Variants in BAALC observed in about 807,000 individuals in gnomAD.
BAALC encodes brain and acute leukemia cytoplasmic protein.
Under a neutral mutation model 15.5 loss-of-function variants are expected in BAALC, and 9 were observed. That is an observed-to-expected ratio of 0.58 (90% CI 0.35 to 1.02). The LOEUF is 1.02. BAALC is among the 50% of genes least tolerant of loss of function. The pLI is 0.02. For synonymous variants in BAALC, 80 were observed against 74.6 expected, an observed-to-expected ratio of 1.07 and a Z score of -0.37; for missense variants, 201 against 192.4, an observed-to-expected ratio of 1.04 and a Z score of -0.27.
intron 1 of BAALC, among the ~76,000 whole-genome samples, chr8:103,163,311 C>T (rs1027600934): frequency 2.0e-5 from 3 of 152,148 alleles, no homozygotes; most frequent in African/African-American, 7.2e-5. Flanking sequence ...TCCCAGAAGA[C>T]TCACCTGCTG....
At chr8:103,146,207 G>C (rs1044266154) in intron 1 of BAALC, among the ~76,000 whole-genome samples, 5 of 152,132 alleles carry the variant, frequency 3.3e-5, no homozygotes, top group African/African-American at 1.2e-4. Flanking sequence ...TGCCTGGGGA[G>C]GGGTCAGTGT....
chr8:103,198,052 T>G (rs1346343063), intron 1 of BAALC: 7 of 684,938 alleles, frequency 1.0e-5, no homozygotes, highest in African/African-American at 7.1e-5. Context: ...TATCCCACAG[T>G]TTCTTACGAA....
At chr8:103,157,411 A>G (rs940899034) in intron 1 of BAALC, among the ~76,000 whole-genome samples, 12 of 152,246 alleles carry the variant, frequency 7.9e-5, no homozygotes, top group African/African-American at 2.9e-4. Context: ...CTCTGCCTCC[A>G]TTCCCCTTCA....
intron 1 of BAALC, among the ~76,000 whole-genome samples, chr8:103,177,476 T>C (rs1811633262): frequency 6.6e-6 from 1 of 152,318 alleles, no homozygotes; most frequent in South Asian, 2.1e-4. Context: ...CATAAGCCAC[T>C]GTACCCGGCC....
intron 2 of BAALC, among the ~76,000 whole-genome samples, chr8:103,220,386 G>A (rs982270426): frequency 1.3e-5 from 2 of 152,158 alleles, no homozygotes; most frequent in African/African-American, 4.8e-5. Flanking sequence ...AAAGTTCTGG[G>A]ACACTGAGGC....
intron 1 of BAALC, among the ~76,000 whole-genome samples, chr8:103,168,997 A>G (rs182473918): frequency 1.3e-3 from 202 of 152,076 alleles, no homozygotes; most frequent in African/African-American, 4.6e-3. Flanking sequence ...CTGATTCTCA[A>G]TCCTTAGTAT....
At chr8:103,156,108 C>T (rs1811084541) in intron 1 of BAALC, among the ~76,000 whole-genome samples, 2 of 152,140 alleles carry the variant, frequency 1.3e-5, no homozygotes, top group Non-Finnish European at 2.9e-5. Flanking sequence ...TTTTGAAGCA[C>T]AGCCAGATTT....
intron 1 of BAALC, among the ~76,000 whole-genome samples, chr8:103,211,029 T>C (rs903835578): frequency 6.6e-6 from 1 of 152,196 alleles, no homozygotes; most frequent in Non-Finnish European, 1.5e-5. Context: ...GATTTTTTTT[T>C]CCTCTTCTTA....
chr8:103,219,253 A>G (rs1363261347), intron 2 of BAALC, among the ~76,000 whole-genome samples: 1 of 152,108 alleles, frequency 6.6e-6, no homozygotes, highest in Non-Finnish European at 1.5e-5. Flanking sequence ...ACACTGCCTT[A>G]TTTTTCTTTA....
intron 1 of BAALC, among the ~76,000 whole-genome samples, chr8:103,181,452 T>C (rs565996715): frequency 3.3e-5 from 5 of 151,012 alleles, no homozygotes; most frequent in South Asian, 4.3e-4. Flanking sequence ...TTTGTATTTT[T>C]AGTAGAGATG....
chr8:103,147,146 G>A (rs955649564), intron 1 of BAALC, among the ~76,000 whole-genome samples: 34 of 152,184 alleles, frequency 2.2e-4, no homozygotes, highest in Admixed American at 1.3e-4. Context: ...TCTTTCCTGA[G>A]TCTCATCTTA....
intron 1 of BAALC, among the ~76,000 whole-genome samples, chr8:103,156,114 G>C (rs1811084840): frequency 6.6e-6 from 1 of 152,032 alleles, no homozygotes; most frequent in Non-Finnish European, 1.5e-5. Context: ...AGCACAGCCA[G>C]ATTTAAGAGC....
At chr8:103,224,454 T>C (rs1376645376) in intron 2 of BAALC, among the ~76,000 whole-genome samples, 1 of 152,152 alleles carries the variant, frequency 6.6e-6, no homozygotes, top group South Asian at 2.1e-4. Context: ...TTCCAGGCTA[T>C]AGGTAAATTT....
intron 1 of BAALC, among the ~76,000 whole-genome samples, chr8:103,156,379 T>C (rs1307497617): frequency 6.6e-6 from 1 of 152,188 alleles, no homozygotes; most frequent in Non-Finnish European, 1.5e-5. Flanking sequence ...CAAATCATGC[T>C]CTTGAGTTGG....
chr8:103,223,737 A>T (rs1474225828), intron 2 of BAALC, among the ~76,000 whole-genome samples: 1 of 152,186 alleles, frequency 6.6e-6, no homozygotes, highest in African/African-American at 2.4e-5. Context: ...TTAAGCTTAG[A>T]AGTACAGACT....
Position 103,208,942 on chromosome 8 carries a change from A to G in BAALC, c.161-3977A>G, listed in dbSNP as rs570247854. 4.6e-5 allele frequency among the ~76,000 whole-genome samples: 7 copies of G among 152,252 alleles called. No homozygotes were observed. In the East Asian group the frequency reaches 1.4e-3, roughly 29 times the overall value. ...GATTGGGGTCAGGTGTGCCCCTTGA[A>G]GTGTCTCAGGTATGACAAGGGAGTG... On this transcript the variant is annotated intron_variant, in intron 1 of 2. Transcript: ENST00000309982.
chr8:103,198,879 C>G (rs1427276927), intron 1 of BAALC, among the ~76,000 whole-genome samples: 1 of 152,204 alleles, frequency 6.6e-6, no homozygotes, highest in East Asian at 1.9e-4. Context: ...CCACTGCACT[C>G]CAGCCTAGGC....
chr8:103,161,756 C>G (rs543673333), intron 1 of BAALC, among the ~76,000 whole-genome samples: 1 of 152,272 alleles, frequency 6.6e-6, no homozygotes, highest in African/African-American at 2.4e-5. Context: ...TATGAAAGTG[C>G]CTGTTTCCCC....
At chr8:103,166,243 C>A (rs549633158) in intron 1 of BAALC, 1 of 152,912 alleles carries the variant, frequency 6.5e-6, no homozygotes, top group East Asian at 1.9e-4. Flanking sequence ...AACCTTTGTT[C>A]CTGCCAGTGT....
Sources: gnomAD v4.1 joint callset for allele counts (sites outside exome capture counted in the v4.1 genomes callset) on GRCh38, gnomAD v4.1.1 for gene constraint, MANE v1.5 for transcripts, NCBI Gene and HGNC (gene_info 2026-07-23, HGNC 2026-07-21) for gene names.